LIPC: variants seen among roughly 807,000 people sequenced by gnomAD.
The protein encoded by LIPC is hepatic triacylglycerol lipase.
Under a neutral mutation model 50.7 loss-of-function variants are expected in LIPC, and 44 were observed. The observed-to-expected ratio is 0.87, with a 90% CI of 0.68 to 1.11. LIPC has a LOEUF of 1.11. Among genes scored for constraint, LIPC ranks in the 50% most tolerant of loss-of-function variants. The pLI is 0.00. For missense variants in LIPC, 697 were observed against 648.2 expected, an observed-to-expected ratio of 1.08 and a Z score of -0.82; for synonymous variants, 271 against 256.4, an observed-to-expected ratio of 1.06 and a Z score of -0.54.
chr15:58,491,039 A>G (rs1303096192), intron 1 of LIPC, among the ~76,000 whole-genome samples: 2 of 152,178 alleles, frequency 1.3e-5, no homozygotes, highest in African/African-American at 4.8e-5. Context: ...TCTCAAATTT[A>G]TCTCCTAAAA....
At chr15:58,437,740 G>A (rs1186379106) in intron 1 of LIPC, among the ~76,000 whole-genome samples, 1 of 152,170 alleles carries the variant, frequency 6.6e-6, no homozygotes, top group Non-Finnish European at 1.5e-5. Context: ...TGTCACCCAT[G>A]ACTAATATTT....
At chr15:58,494,518 T>C (rs1891700196) in intron 1 of LIPC, among the ~76,000 whole-genome samples, 1 of 152,216 alleles carries the variant, frequency 6.6e-6, no homozygotes, top group Non-Finnish European at 1.5e-5. Flanking sequence ...CCTATGAAAG[T>C]GCATTGAACA....
chr15:58,543,612 C>A (rs764577321), intron 4 of LIPC, among the ~76,000 whole-genome samples: 3 of 152,116 alleles, frequency 2.0e-5, no homozygotes, highest in East Asian at 1.9e-4. Context: ...AAAGTTGTTG[C>A]GAATTTATAT....
intron 7 of LIPC, among the ~76,000 whole-genome samples, chr15:58,562,056 C>T (rs1211171579): frequency 6.6e-6 from 1 of 152,238 alleles, no homozygotes; most frequent in Non-Finnish European, 1.5e-5. Context: ...CTCTTACCTA[C>T]AGCAGAAAAC....
chr15:58,467,678 C>T (rs1448097089), intron 1 of LIPC, among the ~76,000 whole-genome samples: 1 of 152,180 alleles, frequency 6.6e-6, no homozygotes, highest in Non-Finnish European at 1.5e-5. Flanking sequence ...TTCTCAAATG[C>T]AGTAAATGAG....
chr15:58,437,096 AC>A (rs1337498166), intron 1 of LIPC, among the ~76,000 whole-genome samples: 4 of 152,146 alleles, frequency 2.6e-5, no homozygotes, highest in Non-Finnish European at 5.9e-5. Context: ...AGTCACAGAA[AC>A]TTTTGGGGGC....
intron 6 of LIPC, among the ~76,000 whole-genome samples, chr15:58,551,474 C>G (rs1893755184): frequency 6.6e-6 from 1 of 152,210 alleles, no homozygotes. Context: ...AGCCACCTTT[C>G]AAGTGCTCAA....
chr15:58,565,725 A>C, intron 8 of LIPC: 5 of 993,508 alleles, frequency 5.0e-6, no homozygotes, highest in Non-Finnish European at 6.0e-6. Flanking sequence ...TGGTTCCATT[A>C]ATCTGAATTT....
At chr15:58,437,000 C>T in intron 1 of LIPC, 1 of 394,936 alleles carries the variant, frequency 2.5e-6, no homozygotes, top group Non-Finnish European at 5.0e-6. Context: ...ATGTGAATGC[C>T]CAAGTGCAAA....
chr15:58,477,464 T>C (rs565668669), intron 1 of LIPC, among the ~76,000 whole-genome samples: 1 of 152,314 alleles, frequency 6.6e-6, no homozygotes, highest in South Asian at 2.1e-4. Context: ...TGGGTGGAGC[T>C]TATGGACATT....
At chr15:58,449,000 G>A (rs540769397) in intron 1 of LIPC, among the ~76,000 whole-genome samples, 2 of 152,284 alleles carry the variant, frequency 1.3e-5, no homozygotes, top group South Asian at 2.1e-4. Flanking sequence ...GAGAAAAGAA[G>A]CAGGAGAGAC....
intron 1 of LIPC, among the ~76,000 whole-genome samples, chr15:58,448,277 C>T: frequency 6.6e-6 from 1 of 152,194 alleles, no homozygotes; most frequent in East Asian, 1.9e-4. Context: ...TAAGCAGTTT[C>T]CAAGCCGTTT....
At chr15:58,456,375 C>T (rs1438658923) in intron 1 of LIPC, 1 of 152,238 alleles carries the variant, frequency 6.6e-6, no homozygotes, top group Non-Finnish European at 1.5e-5. Context: ...TGTATTTATC[C>T]TCAATGCTTT....
intron 1 of LIPC, among the ~76,000 whole-genome samples, chr15:58,485,424 G>A (rs773909864): frequency 2.0e-5 from 3 of 152,164 alleles, no homozygotes; most frequent in East Asian, 1.9e-4. Context: ...GTTGGGTGCC[G>A]GAGGGGAAGA....
At chr15:58,563,995 C>T in intron 8 of LIPC, 1 of 477,170 alleles carries the variant, frequency 2.1e-6, no homozygotes, top group Non-Finnish European at 3.9e-6. Context: ...TGAGGACCAT[C>T]ACACGAACCC....
At chr15:58,460,341 G>T (rs1894297378) in intron 1 of LIPC, among the ~76,000 whole-genome samples, 1 of 152,240 alleles carries the variant, frequency 6.6e-6, no homozygotes, top group African/African-American at 2.4e-5. Context: ...GAGAGGAAAG[G>T]CTGGGGCCGA....
intron 1 of LIPC, among the ~76,000 whole-genome samples, chr15:58,486,024 AG>A (rs1420538961): frequency 5.9e-5 from 9 of 152,210 alleles, no homozygotes; most frequent in African/African-American, 2.2e-4. Context: ...TGTTCTTCCT[AG>A]AAGTAGGTTC....
intron 1 of LIPC, among the ~76,000 whole-genome samples, chr15:58,530,941 G>A (rs571247875): frequency 2.6e-4 from 40 of 152,164 alleles, no homozygotes; most frequent in Non-Finnish European, 5.7e-4. Context: ...TTCAGATTTG[G>A]GGTTATTATG....
At chr15:58,536,592 G>T (rs558238140) in intron 1 of LIPC, among the ~76,000 whole-genome samples, 3 of 152,106 alleles carry the variant, frequency 2.0e-5, no homozygotes, top group Non-Finnish European at 4.4e-5. Flanking sequence ...GTGACACCCC[G>T]GCTTCTGACT....
Sources: allele counts gnomAD v4.1 joint callset (sites outside exome capture counted in the v4.1 genomes callset), GRCh38; gene constraint gnomAD v4.1.1; transcripts MANE v1.5; gene names NCBI Gene and HGNC (gene_info 2026-07-23, HGNC 2026-07-21).